TNIK: variants seen among roughly 807,000 people sequenced by gnomAD.
TNIK encodes TRAF2 and NCK-interacting protein kinase.
A neutral mutation model predicts 191.3 loss-of-function variants in TNIK; 49 were observed. The ratio of observed to expected loss-of-function variants is 0.26; its 90% confidence interval spans 0.20 to 0.32. The LOEUF (loss-of-function observed/expected upper bound fraction) is 0.32. Among genes scored for constraint, TNIK ranks in the 10% least tolerant of loss-of-function variants. TNIK has a pLI of 1.00. For missense variants in TNIK, 1,155 were observed against 1,702.3 expected, an observed-to-expected ratio of 0.68 and a Z score of 5.66; for synonymous variants, 594 against 600.9, an observed-to-expected ratio of 0.99 and a Z score of 0.17.
At chr3:171,321,466 A>T (rs1047349624) in intron 2 of TNIK, among the ~76,000 whole-genome samples, 1 of 152,238 alleles carries the variant, frequency 6.6e-6, no homozygotes, top group Non-Finnish European at 1.5e-5. Context: ...TTGATATTTG[A>T]GTTGCACAGA....
chr3:171,270,417 A>C (rs542713759), intron 2 of TNIK, among the ~76,000 whole-genome samples: 1 of 152,314 alleles, frequency 6.6e-6, no homozygotes, highest in South Asian at 2.1e-4. Context: ...GAGCACCACT[A>C]TAGAGCGACT....
At chr3:171,263,925 G>T (rs1391705665) in intron 2 of TNIK, among the ~76,000 whole-genome samples, 4 of 152,010 alleles carry the variant, frequency 2.6e-5, no homozygotes, top group African/African-American at 7.2e-5. Context: ...GGAGTACTGG[G>T]TGTGAGGCAG....
At chr3:171,177,529 A>G in intron 7 of TNIK, 149 bp from the exon 8 acceptor site, 1 of 922,724 alleles carries the variant, frequency 1.1e-6, no homozygotes, top group Non-Finnish European at 1.6e-6. Context: ...AAGCAGAAAC[A>G]GTCTTACTTT....
At chr3:171,420,013 C>T (rs1287725443) in intron 1 of TNIK, among the ~76,000 whole-genome samples, 3 of 152,164 alleles carry the variant, frequency 2.0e-5, no homozygotes, top group East Asian at 3.8e-4. Context: ...ACCAAGATGG[C>T]TTTTTAGCAT....
chr3:171,340,974 G>C, intron 2 of TNIK, among the ~76,000 whole-genome samples: 1 of 151,956 alleles, frequency 6.6e-6, no homozygotes, highest in East Asian at 1.9e-4. Context: ...ATTCTGAAAG[G>C]ATGGAAGAAG....
At chr3:171,196,786 A>G (rs1178617180) in intron 4 of TNIK, among the ~76,000 whole-genome samples, 4 of 152,004 alleles carry the variant, frequency 2.6e-5, no homozygotes, top group Non-Finnish European at 5.9e-5. Flanking sequence ...TTTGTTTGAG[A>G]CAGAGTCTCA....
chr3:171,333,886 G>A (rs1227646321), intron 2 of TNIK, among the ~76,000 whole-genome samples: 1 of 152,186 alleles, frequency 6.6e-6, no homozygotes, highest in Non-Finnish European at 1.5e-5. Context: ...CTCCAACTGC[G>A]TATTTGTCTT....
At chr3:171,226,984 G>T (rs1461355606) in intron 3 of TNIK, among the ~76,000 whole-genome samples, 2 of 151,646 alleles carry the variant, frequency 1.3e-5, no homozygotes, top group Non-Finnish European at 2.9e-5. Context: ...TTTCTTTTGT[G>T]TGACTCATTC....
intron 1 of TNIK, among the ~76,000 whole-genome samples, chr3:171,395,158 A>G (rs1459713959): frequency 6.6e-6 from 1 of 152,208 alleles, no homozygotes; most frequent in East Asian, 1.9e-4. Flanking sequence ...TTAGAAGTTC[A>G]GGAAAAACTG....
rs1238431578 is a variant in TNIK at position 171,279,525 on chromosome 3, T to C, written c.124-51304A>G. ...CCCTCCCACTGCAAATACATGATTGTGCCACATAGCCACCCCCTTGCCAAC... is the reference window on the plus strand; with the variant it reads ...CCCTCCCACTGCAAATACATGATTGCGCCACATAGCCACCCCCTTGCCAAC... On this transcript the variant is annotated intron_variant, in intron 2 of 32. Coordinates refer to ENST00000436636, the MANE Select transcript of TNIK (RefSeq NM_015028.4). Among the ~76,000 whole-genome samples, 5 of 152,308 alleles carry C rather than the reference T, an allele frequency of 3.3e-5. No individual in the cohort carries two copies. The South Asian group carries it at 1.0e-3, about 32-fold the overall frequency.
chr3:171,085,451 G>A (rs1721227986), intron 24 of TNIK, among the ~76,000 whole-genome samples: 2 of 152,204 alleles, frequency 1.3e-5, no homozygotes, highest in Non-Finnish European at 2.9e-5. Context: ...TTATCAGACT[G>A]CAAGAATTGT....
At chr3:171,334,651 C>CA (rs770321385) in intron 2 of TNIK, among the ~76,000 whole-genome samples, 1 of 151,792 alleles carries the variant, frequency 6.6e-6, no homozygotes, top group African/African-American at 2.4e-5. Flanking sequence ...CAGGCTGTGC[C>CA]AAAAAAGACT....
At chr3:171,077,234 C>T (rs1051149570) in intron 28 of TNIK, among the ~76,000 whole-genome samples, 1 of 152,060 alleles carries the variant, frequency 6.6e-6, no homozygotes, top group Non-Finnish European at 1.5e-5. Context: ...CCTGCATTGT[C>T]CCACTCTGCC....
At chr3:171,185,639 T>C (rs1473364112) in intron 7 of TNIK, among the ~76,000 whole-genome samples, 1 of 152,196 alleles carries the variant, frequency 6.6e-6, no homozygotes, top group Non-Finnish European at 1.5e-5. Context: ...TTCAGTGAGT[T>C]ACTTACTGTG....
intron 2 of TNIK, among the ~76,000 whole-genome samples, chr3:171,262,645 A>G (rs76140932): frequency 0.066 from 10,035 of 152,278 alleles, 382 homozygotes; most frequent in Middle Eastern, 0.12. Flanking sequence ...AAGCAGTTGT[A>G]TTAATATACT....
intron 3 of TNIK, among the ~76,000 whole-genome samples, chr3:171,219,117 A>C (rs1452594298): frequency 7.5e-6 from 1 of 133,398 alleles, no homozygotes; most frequent in African/African-American, 2.8e-5. Flanking sequence ...TATATATTTT[A>C]TATAAATATA....
At position 171,366,140 on chromosome 3, in the gene TNIK, G is replaced by T. The variant is rs913763690; in HGVS notation, c.123+3480C>A. 1.2e-4 allele frequency among the ~76,000 whole-genome samples: 18 copies of T among 152,134 alleles called. No homozygotes were observed. Among genetic ancestry groups the T allele is most frequent in the Admixed American group, 1.2e-3 (18 of 15,276 alleles). On this transcript the variant is annotated intron_variant, in intron 2 of 32. Coordinates refer to ENST00000436636, the MANE Select transcript of TNIK (RefSeq NM_015028.4). The surrounding 1 kb of genome is among the most constrained non-coding windows in gnomAD (Gnocchi z 4.1). ...AAACAGCCAAGACCTTTAGTAAATG[G>T]GTATGTGGCCTTTTGTTGGTTTATT...
At chr3:171,150,349 A>G (rs192857422) in intron 12 of TNIK, among the ~76,000 whole-genome samples, 7 of 152,338 alleles carry the variant, frequency 4.6e-5, no homozygotes, top group African/African-American at 1.7e-4. Context: ...TCAAAATTAC[A>G]AAGGAAGTAA....
chr3:171,211,364 AT>A, intron 3 of TNIK, 123 bp from the exon 4 acceptor site: 1 of 1,142,326 alleles, frequency 8.8e-7, no homozygotes, highest in Non-Finnish European at 1.2e-6. Context: ...GAGCATAATT[AT>A]TACATATGAG....
Sources: allele counts gnomAD v4.1 joint callset (sites outside exome capture counted in the v4.1 genomes callset), GRCh38; gene constraint gnomAD v4.1.1; non-coding constraint Gnocchi (gnomAD v3.1); transcripts MANE v1.5; gene names NCBI Gene and HGNC (gene_info 2026-07-23, HGNC 2026-07-21).